Variants in LRRN2 observed in about 807,000 individuals in gnomAD.
LRRN2 encodes the protein leucine rich repeat neuronal 2.
A neutral mutation model predicts 35.7 loss-of-function variants in LRRN2; 10 were observed. The ratio of observed to expected loss-of-function variants is 0.28; its 90% CI spans 0.17 to 0.47. The LOEUF (loss-of-function observed/expected upper bound fraction) is 0.47, where lower values mean the gene tolerates loss of function less well. Ranked by LOEUF, LRRN2 falls within the 20% of genes least tolerant of loss-of-function variation. The pLI is 0.99. For synonymous variants in LRRN2, 391 were observed against 409.6 expected, an observed-to-expected ratio of 0.95 and a Z score of 0.55; for missense variants, 731 against 940.3, an observed-to-expected ratio of 0.78 and a Z score of 2.91.
chr1:204,619,752 T>A lies in LRRN2; in HGVS notation c.241A>T (p.Ile81Phe), dbSNP rs367859771. ...AGCTCACTCTGGTCCACACGGACAA[T>A]GCTGTTGCTCTGCAGGAGCAGGGTC... The part of the protein sequence containing the change: ...TQTLLLQSNS[I>F]VRVDQSELGY... Residue 81 changes from isoleucine (I) to phenylalanine (F), a missense_variant, in exon 2 of 2, where the codon ATT becomes TTT. Ile to Phe is a conservative substitution (Grantham distance 21). Transcript: ENST00000367177. 6.2e-7 allele frequency: 1 copy of A among 1,614,216 alleles called. No individual in the cohort carries two copies.
rs200272763 is a variant in LRRN2 at position 204,631,492 on chromosome 1, T to TA, written c.-226-11275dup. ...GGAGGGCAGGTGGGGATTCACAGGT[T>TA]AAAAAGAAAACTAAACCAGTGTACC... On this transcript the variant is annotated intron_variant, in intron 1 of 1. Coordinates refer to ENST00000367177, the MANE Select transcript of LRRN2 (RefSeq NM_201630.2). Among the ~76,000 whole-genome samples, 577 of 149,966 alleles carry TA rather than the reference T, an allele frequency of 3.8e-3. 6 individuals are homozygous for TA. The highest frequency in any genetic ancestry group is 0.014 in the African/African-American group (549 of 40,640).
rs1553349082 is a variant in LRRN2 at position 204,657,341 on chromosome 1, T to TATACACACACAC, written c.-227+27978_-227+27979insGTGTGTGTGTAT. Among the ~76,000 whole-genome samples the TATACACACACAC allele has an allele frequency of 1.2e-4, 17 of 147,056 alleles. No individual in the cohort carries two copies. The East Asian group carries it at 1.2e-3, about 10-fold the overall frequency. ...CTATGTGTCTATATATATGTATATA[T>TATACACACACAC]ACACACACACACACACACACACACA... is the stretch of plus-strand genomic sequence containing the variant. On this transcript the variant is annotated intron_variant, in intron 1 of 1. Transcript: ENST00000367177.
intron 1 of LRRN2, among the ~76,000 whole-genome samples, chr1:204,667,483 A>G (rs1027529874): frequency 4.6e-5 from 7 of 152,232 alleles, no homozygotes; most frequent in Non-Finnish European, 1.0e-4. Context: ...CATCTAGTAC[A>G]TAGTAAACCT....
chr1:204,649,293 C>T (rs1668174362), intron 1 of LRRN2, among the ~76,000 whole-genome samples: 1 of 152,192 alleles, frequency 6.6e-6, no homozygotes, highest in African/African-American at 2.4e-5. Flanking sequence ...TGAACAGCCC[C>T]ACATTCAGAA....
intron 1 of LRRN2, among the ~76,000 whole-genome samples, chr1:204,635,225 CA>C (rs1667804603): frequency 6.6e-6 from 1 of 152,152 alleles, no homozygotes; most frequent in South Asian, 2.1e-4. Flanking sequence ...CTAGTTTTCT[CA>C]TCTGTAAAAT....
intron 1 of LRRN2, among the ~76,000 whole-genome samples, chr1:204,645,857 A>T (rs1668094590): frequency 1.3e-5 from 2 of 152,128 alleles, no homozygotes; most frequent in Admixed American, 1.3e-4. Context: ...TGAGAAGGGC[A>T]TGGGGGAAAC....
At chr1:204,653,518 A>T (rs1448131030) in intron 1 of LRRN2, among the ~76,000 whole-genome samples, 1 of 152,228 alleles carries the variant, frequency 6.6e-6, no homozygotes, top group African/African-American at 2.4e-5. Flanking sequence ...ATATCAGCCT[A>T]CAACAACCCT....
chr1:204,658,978 T>C (rs1668414921), intron 1 of LRRN2, among the ~76,000 whole-genome samples: 1 of 152,216 alleles, frequency 6.6e-6, no homozygotes, highest in Non-Finnish European at 1.5e-5. Context: ...TCTCCGTTTA[T>C]CATAAGGTGG....
chr1:204,619,145 T>C lies in LRRN2; in HGVS notation c.848A>G (p.Asn283Ser), dbSNP rs2102565767. Residue 283 changes from asparagine to serine, a missense_variant, in exon 2 of 2, where the codon AAC becomes AGC. Transcript: ENST00000367177. ...TCCCAGCTCCTTAAGGTGCAGCATG[T>C]TGGCAAAGTCCCCCGGCCCTACCCG... ...LQRVGPGDFA[N>S]MLHLKELGLN... 2 of 1,613,880 alleles carry C rather than the reference T, an allele frequency of 1.2e-6. No individual in the cohort carries two copies. The highest frequency in any genetic ancestry group is 1.7e-6 in the Non-Finnish European group (2 of 1,179,932).
chr1:204,685,155 C>A (rs1444702420), intron 1 of LRRN2, among the ~76,000 whole-genome samples, 165 bp downstream of exon 1: 1 of 152,228 alleles, frequency 6.6e-6, no homozygotes, highest in Non-Finnish European at 1.5e-5. Flanking sequence ...TGGCCCCCAC[C>A]CGGGTCAGGC....
In LRRN2 at chr1:204,619,968, A is replaced by G. The variant is rs1343050701; in HGVS notation, c.25T>C (p.Leu9=). Residue 9 remains leucine (L), a synonymous_variant, in exon 2 of 2, where the codon TTG becomes CTG. Coordinates refer to ENST00000367177, the MANE Select transcript of LRRN2 (RefSeq NM_201630.2). MRLLVAPL[L]LAWVAGATAA... ...GTGGCACCAGCCACCCAAGCTAGCA[A>G]GAGTGGGGCCACGAGAAGCCTCATG... 9 of 1,611,884 alleles carry G rather than the reference A, an allele frequency of 5.6e-6. No individual in the cohort carries two copies. The African/African-American group carries it at 1.2e-4, about 22-fold the overall frequency.
intron 1 of LRRN2, chr1:204,682,789 G>A (rs1668982316): frequency 1.3e-5 from 2 of 152,174 alleles, no homozygotes; most frequent in African/African-American, 4.8e-5. Flanking sequence ...AGTATCCTAA[G>A]GACAGGATGA....
intron 1 of LRRN2, chr1:204,627,258 A>G (rs1019527676): frequency 2.0e-5 from 3 of 152,160 alleles, no homozygotes; most frequent in Admixed American, 6.5e-5. Flanking sequence ...AGTGTGGAGG[A>G]GCCAGGATCC....
intron 1 of LRRN2, among the ~76,000 whole-genome samples, chr1:204,671,403 T>TGTGTGTG (rs1553350489): frequency 0.12 from 14,681 of 122,600 alleles, 1,130 homozygotes; most frequent in South Asian, 0.19. Context: ...GTTTGTGTGT[T>TGTGTGTG]TGTGTGTGTG....
chr1:204,623,068 G>A (rs1297302889), intron 1 of LRRN2, among the ~76,000 whole-genome samples: 1 of 152,092 alleles, frequency 6.6e-6, no homozygotes, highest in African/African-American at 2.4e-5. Flanking sequence ...CGATAAGTTA[G>A]CAAGTGCCAT....
chr1:204,623,251 A>T (rs950167706), intron 1 of LRRN2, among the ~76,000 whole-genome samples: 39 of 152,118 alleles, frequency 2.6e-4, no homozygotes, highest in African/African-American at 9.4e-4. Flanking sequence ...CTTCATCAAC[A>T]CTTGGTTCTA....
In LRRN2 at chr1:204,668,551, C is replaced by A. The variant is rs184744123; in HGVS notation, c.-227+16769G>T. Among the ~76,000 whole-genome samples the A allele has an allele frequency of 6.4e-3, 969 of 152,264 alleles. 9 individuals are homozygous for A. Among genetic ancestry groups the A allele is most frequent in the Non-Finnish European group, 9.9e-3 (674 of 68,012 alleles). ...CAGAGGTTGCAGTGAGCCAAGATCA[C>A]GCCATTGCACTGCAGCCTGGGTGAC... On this transcript the variant is annotated intron_variant, in intron 1 of 1. Coordinates refer to ENST00000367177, the MANE Select transcript of LRRN2 (RefSeq NM_201630.2).
intron 1 of LRRN2, chr1:204,622,285 T>A (rs961885958): frequency 6.3e-6 from 1 of 159,778 alleles, no homozygotes; most frequent in African/African-American, 2.4e-5. Context: ...TCCAGGCAGG[T>A]GCCTCTCAGC....
rs749615067 is a variant in LRRN2 at position 204,618,835 on chromosome 1, A to C, written c.1158T>G (p.Arg386=). 2 of 1,614,090 alleles carry C rather than the reference A, an allele frequency of 1.2e-6. No individual in the cohort carries two copies. The highest frequency in any genetic ancestry group is 8.5e-7 in the Non-Finnish European group (1 of 1,180,024). The change falls in exon 2 of 2, where the codon CGT becomes CGG. Residue 386 remains arginine (R), a synonymous_variant. Transcript: ENST00000367177. The part of the protein sequence containing the change: ...VIRWANATGT[R]VRFIEPQSTL... ...TGGATTGCGGCTCGATGAAGCGGACACGGGTGCCCGTGGCATTGGCCCAGC... is the reference window on the plus strand; with the variant it reads ...TGGATTGCGGCTCGATGAAGCGGACCCGGGTGCCCGTGGCATTGGCCCAGC...
Sources: gnomAD v4.1 joint callset for allele counts (sites outside exome capture counted in the v4.1 genomes callset) on GRCh38, gnomAD v4.1.1 for gene constraint, MANE v1.5 for transcripts, NCBI Gene and HGNC (gene_info 2026-07-23, HGNC 2026-07-21) for gene names.